KIF6: variants seen among roughly 807,000 people sequenced by gnomAD.
KIF6 encodes kinesin family member 6.
KIF6 carries 106 observed loss-of-function variants against 112.7 expected under a neutral mutation model. The observed-to-expected ratio is 0.94, with a 90% CI of 0.80 to 1.11. The LOEUF (loss-of-function observed/expected upper bound fraction) is 1.11, where lower values mean the gene tolerates loss of function less well. KIF6 is among the 50% of genes least tolerant of loss of function. KIF6 has a pLI of 0.00. For missense variants in KIF6, 929 were observed against 964.0 expected, an observed-to-expected ratio of 0.96 and a Z score of 0.48; for synonymous variants, 339 against 339.9, an observed-to-expected ratio of 1.00 and a Z score of 0.03.
At chr6:39,428,980 C>T (rs887355888) in intron 14 of KIF6, among the ~76,000 whole-genome samples, 18 of 152,162 alleles carry the variant, frequency 1.2e-4, no homozygotes, top group East Asian at 3.9e-4. Context: ...TAAACATGCA[C>T]GAGAACTTCT....
intron 10 of KIF6, among the ~76,000 whole-genome samples, chr6:39,561,681 A>G (rs1780017165): frequency 6.6e-6 from 1 of 152,094 alleles, no homozygotes; most frequent in Non-Finnish European, 1.5e-5. Flanking sequence ...ATGCACAAAC[A>G]TTGTGAAACC....
At chr6:39,520,564 C>T (rs893877262) in intron 13 of KIF6, among the ~76,000 whole-genome samples, 2 of 152,198 alleles carry the variant, frequency 1.3e-5, no homozygotes, top group Non-Finnish European at 2.9e-5. Flanking sequence ...CAGCTTCAGC[C>T]AGTGTTGCAT....
Position 39,662,099 on chromosome 6 carries a change from TTTTA to T in KIF6, c.252-22346_252-22343del, listed in dbSNP as rs1383409027. ...TCATATCATTGGGCCATTCTAGTTG[TTTTA>T]TTTAAAGAGTTTGAAATACTTAAAA... On this transcript the variant is annotated intron_variant, in intron 3 of 22. Coordinates refer to ENST00000287152, the MANE Select transcript of KIF6 (RefSeq NM_145027.6). 9.2e-4 allele frequency among the ~76,000 whole-genome samples: 140 copies of T among 152,322 alleles called. 1 individual carries two copies. Among genetic ancestry groups the T allele is most frequent in the African/African-American group, 3.3e-3 (136 of 41,594 alleles).
chr6:39,490,825 C>A (rs577729983), intron 13 of KIF6, among the ~76,000 whole-genome samples: 3 of 151,528 alleles, frequency 2.0e-5, no homozygotes, highest in South Asian at 2.1e-4. Flanking sequence ...TGACAATGTT[C>A]AAAAAAAACC....
intron 13 of KIF6, among the ~76,000 whole-genome samples, chr6:39,483,988 T>G (rs1185161003): frequency 6.6e-6 from 1 of 152,170 alleles, no homozygotes; most frequent in Non-Finnish European, 1.5e-5. Context: ...TGGGAGAGGC[T>G]ATATACACAT....
intron 13 of KIF6, among the ~76,000 whole-genome samples, chr6:39,538,870 T>C (rs11760095): frequency 0.017 from 2,524 of 150,304 alleles, 34 homozygotes; most frequent in Non-Finnish European, 0.025. Flanking sequence ...ATATACACTA[T>C]GGAATACTAT....
chr6:39,584,945 G>T lies in KIF6; in HGVS notation c.1030C>A (p.Leu344Ile). The change falls in exon 9 of 23, where the codon CTC becomes ATC. Residue 344 changes from leucine (L) to isoleucine (I), a missense_variant. Physicochemically the swap from Leu to Ile is conservative, Grantham distance 5. This residue lies in a region of KIF6 where 688 missense variants were observed against 662.7 expected (regional missense o/e 1.04). Coordinates refer to ENST00000287152, the MANE Select transcript of KIF6 (RefSeq NM_145027.6). ...STCRFAQRVA[L>I]IKNEAVLNEE... ...TTAAGAACAGCTTCATTCTTTATGA[G>T]TGCCACTCGCTGTGCAAATCTGCAG... 6.2e-7 allele frequency: 1 copy of T among 1,612,402 alleles called. No homozygotes were observed.
chr6:39,404,692 C>T (rs536040263), intron 15 of KIF6, among the ~76,000 whole-genome samples: 8 of 152,288 alleles, frequency 5.3e-5, no homozygotes, highest in African/African-American at 1.7e-4. Context: ...ATTACCTTCA[C>T]TATAGCTACA....
intron 4 of KIF6, among the ~76,000 whole-genome samples, 190 bp from the exon 5 acceptor site, chr6:39,635,148 C>T (rs1402079102): frequency 1.3e-5 from 2 of 151,756 alleles, no homozygotes; most frequent in African/African-American, 4.8e-5. Context: ...TTTTTAATGG[C>T]CAACACCCAT....
At chr6:39,465,878 T>C (rs1410066845) in intron 13 of KIF6, among the ~76,000 whole-genome samples, 1 of 152,184 alleles carries the variant, frequency 6.6e-6, no homozygotes, top group Non-Finnish European at 1.5e-5. Flanking sequence ...CAAATCCTCT[T>C]CTCCTTCACC....
intron 13 of KIF6, among the ~76,000 whole-genome samples, chr6:39,436,861 G>T (rs1018782122): frequency 2.6e-5 from 4 of 151,810 alleles, no homozygotes; most frequent in African/African-American, 7.3e-5. Flanking sequence ...TCTTTTTTTG[G>T]TTCCATATTA....
chr6:39,631,113 ATATTAGTCCGTAGTT>A (rs2150751878), intron 5 of KIF6, among the ~76,000 whole-genome samples: 1 of 151,928 alleles, frequency 6.6e-6, no homozygotes, highest in East Asian at 1.9e-4. Flanking sequence ...GTCACAAGAG[ATATTAGTCCGTAGTT>A]TTCCTTTCTT....
intron 3 of KIF6, among the ~76,000 whole-genome samples, chr6:39,699,215 T>C (rs1343949522): frequency 1.3e-5 from 2 of 151,696 alleles, no homozygotes; most frequent in Non-Finnish European, 2.9e-5. Context: ...ATAAGTGCTA[T>C]GAAAAAAAAA....
At chr6:39,475,348 C>T (rs536728804) in intron 13 of KIF6, among the ~76,000 whole-genome samples, 26 of 152,180 alleles carry the variant, frequency 1.7e-4, no homozygotes, top group Non-Finnish European at 3.5e-4. Context: ...CATTTTAAAA[C>T]ACACGCAAAC....
At chr6:39,445,134 G>C (rs143631166) in intron 13 of KIF6, among the ~76,000 whole-genome samples, 1 of 152,200 alleles carries the variant, frequency 6.6e-6, no homozygotes, top group Non-Finnish European at 1.5e-5. Context: ...TCTGTACAGC[G>C]ATTGTACTCT....
chr6:39,452,425 A>T (rs1772762986), intron 13 of KIF6, among the ~76,000 whole-genome samples: 1 of 152,212 alleles, frequency 6.6e-6, no homozygotes, highest in East Asian at 1.9e-4. Flanking sequence ...CTTTCACTTC[A>T]TTGGGTTCAC....
At position 39,357,322 on chromosome 6, in the gene KIF6, G is replaced by A. The variant is rs768278517; in HGVS notation, c.2135C>T (p.Thr712Ile). The A allele has an allele frequency of 6.2e-7, 1 of 1,614,060 alleles. No individual in the cohort carries two copies. The highest frequency in any genetic ancestry group is 8.5e-7 in the Non-Finnish European group (1 of 1,179,930). Reference protein sequence around the residue: ...SLDHTKPFLQTSDSQHEWSQL... With the variant: ...SLDHTKPFLQISDSQHEWSQL... ...GGACCATTCATGCTGGGAGTCAGATGTCTGGAGAAATGGCTTCGTGTGATC... is the reference window on the plus strand; with the variant it reads ...GGACCATTCATGCTGGGAGTCAGATATCTGGAGAAATGGCTTCGTGTGATC... Residue 712 changes from threonine to isoleucine, a missense_variant, in exon 19 of 23, where the codon ACA (threonine) becomes ATA (isoleucine). Thr to Ile is a moderately conservative substitution (Grantham distance 89). Transcript: ENST00000287152.
At chr6:39,492,613 G>A (rs998683947) in intron 13 of KIF6, among the ~76,000 whole-genome samples, 1 of 152,208 alleles carries the variant, frequency 6.6e-6, no homozygotes, top group Admixed American at 6.5e-5. Context: ...GATGGATTTT[G>A]TAATTGCTGT....
intron 10 of KIF6, among the ~76,000 whole-genome samples, chr6:39,558,021 A>G (rs1162680346): frequency 6.6e-6 from 1 of 151,536 alleles, no homozygotes; most frequent in Admixed American, 6.6e-5. Flanking sequence ...AACTCTTACA[A>G]CTCTCACAAC....
Sources: gnomAD v4.1 joint callset for allele counts (sites outside exome capture counted in the v4.1 genomes callset) on GRCh38, gnomAD v4.1.1 for gene constraint, gnomAD v4.1.1 regional missense constraint, MANE v1.5 for transcripts, NCBI Gene and HGNC (gene_info 2026-07-23, HGNC 2026-07-21) for gene names.